The following GREM2 variants were observed in gnomAD, a reference collection of about 807,000 sequenced individuals.
GREM2 encodes gremlin 2, DAN family BMP antagonist, also known as gremlin-2.
In GREM2, 11 loss-of-function variants were observed where a neutral mutation model predicts 14.2. The ratio of observed to expected loss-of-function variants is 0.78; its 90% confidence interval spans 0.49 to 1.28. GREM2 has a LOEUF of 1.28. GREM2 is among the 50% of genes most tolerant of loss of function. GREM2 has a pLI of 0.00. For missense variants in GREM2, 210 were observed against 218.5 expected, an observed-to-expected ratio of 0.96 and a Z score of 0.24; for synonymous variants, 98 against 97.6, an observed-to-expected ratio of 1.00 and a Z score of -0.02.
intron 1 of GREM2, among the ~76,000 whole-genome samples, chr1:240,548,488 G>C (rs991226644): frequency 4.3e-4 from 65 of 152,210 alleles, no homozygotes; most frequent in African/African-American, 1.4e-3. Context: ...CATTTGTGCA[G>C]AAAGACTTTG....
At chr1:240,559,340 C>CTTTTT (rs61006579) in intron 1 of GREM2, among the ~76,000 whole-genome samples, 6 of 110,130 alleles carry the variant, frequency 5.4e-5, no homozygotes, top group African/African-American at 1.1e-4. Context: ...ATCAAAAAGT[C>CTTTTT]TTTTTTTTTT....
rs534840992 is a variant in GREM2 at position 240,542,615 on chromosome 1, AAAATAAAT to A, written c.-1-49147_-1-49140del. ...AGTGACAGAGCGAGACTCCATCTCA[AAAATAAAT>A]AAATAAATAAATAAATAAAAATTTC... is the stretch of plus-strand genomic sequence containing the variant. On this transcript the variant is annotated intron_variant, in intron 1 of 1. Transcript: ENST00000318160. The surrounding 1 kb of genome is among the most constrained non-coding windows in gnomAD (Gnocchi z 4.1). Among the ~76,000 whole-genome samples the A allele has an allele frequency of 1.9e-4, 29 of 151,914 alleles. No individual in the cohort carries two copies. The highest frequency in any genetic ancestry group is 3.4e-3 in the Middle Eastern group (1 of 294).
intron 1 of GREM2, among the ~76,000 whole-genome samples, chr1:240,536,480 C>T (rs1678471503): frequency 6.6e-6 from 1 of 152,180 alleles, no homozygotes; most frequent in African/African-American, 2.4e-5. Flanking sequence ...CTATTCATAC[C>T]TGGGCAATTT....
At chr1:240,603,762 TAC>T (rs1553280733) in intron 1 of GREM2, among the ~76,000 whole-genome samples, 5 of 152,048 alleles carry the variant, frequency 3.3e-5, no homozygotes, top group Admixed American at 6.6e-5. Flanking sequence ...TACATATACA[TAC>T]ACACACACAT....
intron 1 of GREM2, among the ~76,000 whole-genome samples, chr1:240,609,627 C>T (rs1680094619): frequency 6.6e-6 from 1 of 152,056 alleles, no homozygotes; most frequent in Non-Finnish European, 1.5e-5. Flanking sequence ...TTGAAGGACC[C>T]TGATACTGAG....
At chr1:240,594,444 G>A (rs937607479) in intron 1 of GREM2, among the ~76,000 whole-genome samples, 2 of 152,160 alleles carry the variant, frequency 1.3e-5, no homozygotes, top group Admixed American at 1.3e-4. Flanking sequence ...AATAAACCAG[G>A]AAAGAATATT....
At position 240,593,674 on chromosome 1, in the gene GREM2, C is replaced by T. The variant is rs182136441; in HGVS notation, c.-2+18210G>A. Among the ~76,000 whole-genome samples, 143 of 152,268 alleles carry T rather than the reference C, an allele frequency of 9.4e-4. 1 individual carries two copies. The highest frequency in any genetic ancestry group is 7.3e-3 in the Admixed American group (112 of 15,278). On this transcript the variant is annotated intron_variant, in intron 1 of 1. Transcript: ENST00000318160. Reference sequence around the variant, plus strand: ...TTGCAGTAGACTCTGAGCTTCATGGCGGAATCCTTCACAGGGCCTAGCCTA... The same window carrying T: ...TTGCAGTAGACTCTGAGCTTCATGGTGGAATCCTTCACAGGGCCTAGCCTA...
chr1:240,527,104 C>T (rs936577398), intron 1 of GREM2, among the ~76,000 whole-genome samples: 6 of 152,176 alleles, frequency 3.9e-5, no homozygotes, highest in Admixed American at 1.3e-4. Flanking sequence ...GCACAGGGTA[C>T]GTTGTCAATG....
intron 1 of GREM2, among the ~76,000 whole-genome samples, chr1:240,567,649 G>C (rs372090877): frequency 2.0e-5 from 3 of 152,152 alleles, no homozygotes; most frequent in Admixed American, 1.3e-4. Context: ...CACATAATAA[G>C]AAATGTTAAA....
At chr1:240,497,861 T>C (rs996722081) in intron 1 of GREM2, among the ~76,000 whole-genome samples, 12 of 152,164 alleles carry the variant, frequency 7.9e-5, no homozygotes, top group Non-Finnish European at 1.8e-4. Context: ...ATTTGTGATC[T>C]CAATAGCCTC....
chr1:240,578,375 T>C (rs1679413490), intron 1 of GREM2, among the ~76,000 whole-genome samples: 1 of 151,688 alleles, frequency 6.6e-6, no homozygotes, highest in African/African-American at 2.4e-5. Flanking sequence ...ATCTGCCCAC[T>C]GTGGCCTCCC....
At chr1:240,526,512 G>A (rs932210806) in intron 1 of GREM2, among the ~76,000 whole-genome samples, 2 of 152,136 alleles carry the variant, frequency 1.3e-5, no homozygotes, top group Non-Finnish European at 2.9e-5. Context: ...GAGCCCTGGT[G>A]CAGCTGCTAG....
intron 1 of GREM2, among the ~76,000 whole-genome samples, chr1:240,527,021 A>G (rs2103309914): frequency 6.6e-6 from 1 of 152,318 alleles, no homozygotes; most frequent in Non-Finnish European, 1.5e-5. Flanking sequence ...CAGACTAGTG[A>G]GATGGCTGAG....
intron 1 of GREM2, among the ~76,000 whole-genome samples, chr1:240,505,474 C>A (rs944672057): frequency 4.6e-5 from 7 of 152,124 alleles, no homozygotes; most frequent in African/African-American, 1.7e-4. Flanking sequence ...ATTCATGGGG[C>A]ATCTATTTAA....
chr1:240,536,838 T>C (rs369630808), intron 1 of GREM2, among the ~76,000 whole-genome samples: 1 of 152,340 alleles, frequency 6.6e-6, no homozygotes, highest in East Asian at 1.9e-4. Flanking sequence ...ATGTTGGATC[T>C]TGAAGAAAAC....
chr1:240,545,769 A>C (rs565193708), intron 1 of GREM2, among the ~76,000 whole-genome samples: 1 of 152,320 alleles, frequency 6.6e-6, no homozygotes, highest in African/African-American at 2.4e-5. Context: ...TCAGAGTATA[A>C]CATTGAGCAA....
At chr1:240,574,761 G>A (rs1679327581) in intron 1 of GREM2, among the ~76,000 whole-genome samples, 3 of 152,186 alleles carry the variant, frequency 2.0e-5, no homozygotes, top group Middle Eastern at 3.4e-3. Context: ...ACACACACAG[G>A]AGTTCTCTAA....
intron 1 of GREM2, among the ~76,000 whole-genome samples, chr1:240,537,387 A>G (rs1232140009): frequency 6.6e-6 from 1 of 152,164 alleles, no homozygotes; most frequent in Non-Finnish European, 1.5e-5. Flanking sequence ...CTGTTCTCTG[A>G]AGTTGTCTAC....
At chr1:240,512,639 GAAA>G (rs994846992) in intron 1 of GREM2, among the ~76,000 whole-genome samples, 31 of 152,068 alleles carry the variant, frequency 2.0e-4, no homozygotes, top group African/African-American at 7.5e-4. Flanking sequence ...TTGATTTAAA[GAAA>G]AAAACGATAA....
Sources: allele counts gnomAD v4.1 joint callset (sites outside exome capture counted in the v4.1 genomes callset), GRCh38; gene constraint gnomAD v4.1.1; non-coding constraint Gnocchi (gnomAD v3.1); transcripts MANE v1.5; gene names NCBI Gene and HGNC (gene_info 2026-07-23, HGNC 2026-07-21).